CBLN2: variants seen among roughly 807,000 people sequenced by gnomAD.
CBLN2 encodes the protein cerebellin-2.
CBLN2 carries 7 observed loss-of-function variants against 15.0 expected under a neutral mutation model. The observed-to-expected ratio is 0.47, with a 90% CI of 0.27 to 0.88. CBLN2 has a LOEUF of 0.88. Ranked by LOEUF, CBLN2 falls within the 40% of genes least tolerant of loss-of-function variation. CBLN2 has a pLI of 0.14. For synonymous variants in CBLN2, 149 were observed against 135.2 expected, an observed-to-expected ratio of 1.10 and a Z score of -0.71; for missense variants, 242 against 304.5, an observed-to-expected ratio of 0.79 and a Z score of 1.53.
intron 1 of CBLN2, among the ~76,000 whole-genome samples, chr18:72,593,496 T>A (rs1223702599): frequency 6.6e-6 from 1 of 152,204 alleles, no homozygotes; most frequent in African/African-American, 2.4e-5. Flanking sequence ...TTAGATGTAC[T>A]CTGTTTCTTT....
chr18:72,627,031 A>T (rs2069744425), intron 1 of CBLN2, among the ~76,000 whole-genome samples: 1 of 152,194 alleles, frequency 6.6e-6, no homozygotes, highest in African/African-American at 2.4e-5. Flanking sequence ...TTTTTGTGAG[A>T]CATCCATATT....
chr18:72,634,023 T>C (rs1693761274), intron 1 of CBLN2, among the ~76,000 whole-genome samples: 2 of 151,956 alleles, frequency 1.3e-5, no homozygotes, highest in Non-Finnish European at 2.9e-5. Context: ...TATTGCAATA[T>C]ACAAACTTCT....
In CBLN2 at chr18:72,581,300, CAA is replaced by C. The variant is rs368481881; in HGVS notation, c.16-42530_16-42529del. Among the ~76,000 whole-genome samples, 669 of 152,252 alleles carry C rather than the reference CAA, an allele frequency of 4.4e-3. 8 individuals are homozygous for C. The highest frequency in any genetic ancestry group is 0.013 in the African/African-American group (548 of 41,554). On this transcript the variant is annotated intron_variant, in intron 1 of 2. Transcript: ENST00000581073. ...ATGACATATGCATCTTAAAATTAATCAAGAGTTCCTATCTTCTGCAATGATTA... is the reference window on the plus strand; with the variant it reads ...ATGACATATGCATCTTAAAATTAATCGAGTTCCTATCTTCTGCAATGATTA...
At chr18:72,573,631 T>A (rs1476350431) in intron 1 of CBLN2, among the ~76,000 whole-genome samples, 1 of 152,234 alleles carries the variant, frequency 6.6e-6, no homozygotes, top group Non-Finnish European at 1.5e-5. Context: ...ATAGATCATT[T>A]CTTTTTAGCA....
At chr18:72,581,843 T>C (rs1437802720) in intron 1 of CBLN2, among the ~76,000 whole-genome samples, 3 of 152,246 alleles carry the variant, frequency 2.0e-5, no homozygotes, top group Admixed American at 1.3e-4. Context: ...TTTATTTGCC[T>C]GTTTAATCGA....
chr18:72,587,812 A>C (rs1412539762), intron 1 of CBLN2, among the ~76,000 whole-genome samples: 1 of 152,226 alleles, frequency 6.6e-6, no homozygotes, highest in Non-Finnish European at 1.5e-5. Flanking sequence ...CCAAGTGCAA[A>C]CTTCTACTTC....
intron 1 of CBLN2, among the ~76,000 whole-genome samples, chr18:72,624,764 G>A (rs2069723914): frequency 1.3e-5 from 2 of 152,128 alleles, no homozygotes; most frequent in African/African-American, 4.8e-5. Context: ...AATTATGTGT[G>A]TGTGTATTGA....
chr18:72,560,979 C>T (rs555144509), intron 1 of CBLN2, among the ~76,000 whole-genome samples: 55 of 151,560 alleles, frequency 3.6e-4, no homozygotes, highest in Non-Finnish European at 7.7e-4. Context: ...ACCGTACTCC[C>T]GCCTGGGTGA....
upstream of CBLN2, chr18:72,544,657 A>G (rs374276801): frequency 1.6e-4 from 24 of 152,242 alleles, no homozygotes; most frequent in East Asian, 7.7e-4. Context: ...CAACCACAAG[A>G]AGAACAATAA....
chr18:72,547,864 G>C (rs1231246092), upstream of CBLN2, among the ~76,000 whole-genome samples: 2 of 152,180 alleles, frequency 1.3e-5, no homozygotes, highest in South Asian at 4.1e-4. Context: ...ACAGTTGGAA[G>C]CTAACTTTAA....
intron 1 of CBLN2, among the ~76,000 whole-genome samples, chr18:72,605,162 G>A (rs2069574928): frequency 6.6e-6 from 1 of 152,048 alleles, no homozygotes; most frequent in Admixed American, 6.6e-5. Flanking sequence ...TGAATTTACA[G>A]TCAACCAAAA....
chr18:72,546,076 A>G (rs1033575804), upstream of CBLN2, among the ~76,000 whole-genome samples: 4 of 152,228 alleles, frequency 2.6e-5, no homozygotes, highest in African/African-American at 9.6e-5. Flanking sequence ...AAGAAACCAT[A>G]AAAGATAGCA....
At chr18:72,614,581 C>A (rs1290853460) in intron 1 of CBLN2, among the ~76,000 whole-genome samples, 5 of 152,068 alleles carry the variant, frequency 3.3e-5, no homozygotes, top group Non-Finnish European at 7.4e-5. Flanking sequence ...AGACTTATTT[C>A]TAAGTACAAT....
chr18:72,606,265 C>A (rs976924572), intron 1 of CBLN2, among the ~76,000 whole-genome samples: 3 of 152,304 alleles, frequency 2.0e-5, no homozygotes, highest in Middle Eastern at 3.4e-3. Context: ...CATTTCAATA[C>A]AATAGCTCTC....
At chr18:72,593,837 AG>A in intron 1 of CBLN2, among the ~76,000 whole-genome samples, 1 of 152,274 alleles carries the variant, frequency 6.6e-6, no homozygotes. Flanking sequence ...TGCATGCATA[AG>A]TTTACTGCAG....
intron 1 of CBLN2, among the ~76,000 whole-genome samples, chr18:72,592,994 A>T (rs971259228): frequency 1.3e-5 from 2 of 152,016 alleles, no homozygotes; most frequent in African/African-American, 4.8e-5. Context: ...TTCCATATAA[A>T]TTTTTAGGAT....
At chr18:72,548,295 T>C (rs1215060844), upstream of CBLN2, among the ~76,000 whole-genome samples, 1 of 152,196 alleles carries the variant, frequency 6.6e-6, no homozygotes, top group East Asian at 1.9e-4. Flanking sequence ...GTAACTCAAA[T>C]ATTGCCTAGA....
At chr18:72,630,201 T>G (rs1599031072) in intron 1 of CBLN2, among the ~76,000 whole-genome samples, 1 of 152,268 alleles carries the variant, frequency 6.6e-6, no homozygotes, top group African/African-American at 2.4e-5. Context: ...CAAAATGAAT[T>G]ATCATTCGAT....
At chr18:72,602,557 G>A (rs947927433) in intron 1 of CBLN2, among the ~76,000 whole-genome samples, 7 of 152,124 alleles carry the variant, frequency 4.6e-5, no homozygotes, top group South Asian at 2.1e-4. Flanking sequence ...CTTGGCAGCC[G>A]TCCCCAGTCA....
Sources: allele counts gnomAD v4.1 joint callset (sites outside exome capture counted in the v4.1 genomes callset), GRCh38; gene constraint gnomAD v4.1.1; transcripts MANE v1.5; gene names NCBI Gene and HGNC (gene_info 2026-07-23, HGNC 2026-07-21).